The following EBF3 variants were observed in gnomAD, a reference collection of about 807,000 sequenced individuals.
EBF3 encodes EBF transcription factor 3.
A neutral mutation model predicts 77.1 loss-of-function variants in EBF3; 18 were observed. The observed-to-expected ratio is 0.23, with a 90% CI of 0.16 to 0.35. EBF3 has a LOEUF of 0.35. Among genes scored for constraint, EBF3 ranks in the 10% least tolerant of loss-of-function variants. EBF3 has a pLI of 1.00. For missense variants in EBF3, 558 were observed against 860.0 expected (o/e 0.65, Z 4.39); for synonymous variants, 350 against 343.5 (o/e 1.02, Z -0.21).
chr10:129,878,525 C>T (rs1439131036), intron 6 of EBF3, among the ~76,000 whole-genome samples: 2 of 151,810 alleles, frequency 1.3e-5, no homozygotes, highest in African/African-American at 4.8e-5. Context: ...AAAAATCAGC[C>T]AGGTGCGGTG....
intron 7 of EBF3, among the ~76,000 whole-genome samples, chr10:129,875,487 C>T (rs1294000210): frequency 6.6e-6 from 1 of 152,144 alleles, no homozygotes; most frequent in Non-Finnish European, 1.5e-5. Flanking sequence ...TGAGCCACCG[C>T]GCCCGGCCGG....
intron 7 of EBF3, among the ~76,000 whole-genome samples, chr10:129,876,905 C>A (rs1852823058): frequency 8.0e-6 from 1 of 125,210 alleles, no homozygotes; most frequent in African/African-American, 3.0e-5. Flanking sequence ...CCCCCCCACC[C>A]AGCTACCCCT....
rs1858341457 is a variant in EBF3 at position 129,947,811 on chromosome 10, T to A, written c.554+9447A>T. On this transcript the variant is annotated intron_variant, in intron 6 of 16. Transcript: ENST00000440978. The surrounding 1 kb of genome is among the most constrained non-coding windows in gnomAD (Gnocchi z 4.5). ...AAGCTCAGGAGTGAAGGATTTCACT[T>A]CTAAAACACCAAGACACTGAAAGGA... Among the ~76,000 whole-genome samples, 1 of 151,884 alleles carries A rather than the reference T, an allele frequency of 6.6e-6. No homozygotes were observed. The highest frequency in any genetic ancestry group is 1.5e-5 in the Non-Finnish European group (1 of 68,014).
At chr10:129,940,943 C>T (rs1197198303) in intron 6 of EBF3, among the ~76,000 whole-genome samples, 1 of 152,186 alleles carries the variant, frequency 6.6e-6, no homozygotes, top group African/African-American at 2.4e-5. Flanking sequence ...GGTCCCCCAG[C>T]CTCGGACTGC....
At chr10:129,907,753 T>C (rs576790012) in intron 6 of EBF3, among the ~76,000 whole-genome samples, 61 of 152,344 alleles carry the variant, frequency 4.0e-4, no homozygotes, top group Non-Finnish European at 6.8e-4. Flanking sequence ...CGATCGTGAA[T>C]TATAAATTGG....
chr10:129,839,288 C>A (rs774959686), intron 15 of EBF3, 93 bp from the exon 16 acceptor site: 40 of 555,954 alleles, frequency 7.2e-5, no homozygotes, highest in Non-Finnish European at 1.2e-4. Context: ...GGAGCATATA[C>A]CAAAGGTGGT....
At chr10:129,948,984 C>T (rs952213969) in intron 6 of EBF3, among the ~76,000 whole-genome samples, 1 of 152,172 alleles carries the variant, frequency 6.6e-6, no homozygotes, top group African/African-American at 2.4e-5. Flanking sequence ...CAGCCATATC[C>T]CCTGGTGCTG....
At chr10:129,872,807 A>G (rs1852491807) in intron 8 of EBF3, among the ~76,000 whole-genome samples, 1 of 152,194 alleles carries the variant, frequency 6.6e-6, no homozygotes, top group Admixed American at 6.5e-5. Context: ...CGCAAGGCCC[A>G]CTGTGTCTGA....
chr10:129,839,165 G>T lies in EBF3; in HGVS notation c.1790C>A (p.Ala597Glu), dbSNP rs571151062. 4 of 1,303,782 alleles carry T rather than the reference G, an allele frequency of 3.1e-6. No individual in the cohort carries two copies. The South Asian group carries it at 4.9e-5, about 16-fold the overall frequency. 80.8% of individuals were successfully genotyped at this position (1,303,782 alleles called of 1,614,324 possible). ...GSLLGAEDVA[A>E]EKTNWPFCEV... Reference sequence around the variant, plus strand: ...ACAAAAGGGCCAGTTTGTCTTCTCCGCGGCTACGTCCTCAGCACCCAGCAG... The same window carrying T: ...ACAAAAGGGCCAGTTTGTCTTCTCCTCGGCTACGTCCTCAGCACCCAGCAG... Residue 597 changes from alanine to glutamate, a missense_variant, in exon 16 of 17, where the codon GCG (alanine) becomes GAG (glutamate). Physicochemically the swap from Ala to Glu is moderately radical, Grantham distance 107. This residue lies in a region of EBF3 where 284 missense variants were observed against 368.3 expected (regional missense o/e 0.77). Coordinates refer to ENST00000440978, the MANE Select transcript of EBF3 (RefSeq NM_001375380.1).
intron 10 of EBF3, among the ~76,000 whole-genome samples, chr10:129,855,386 T>C (rs1851184074): frequency 6.6e-6 from 1 of 152,226 alleles, no homozygotes; most frequent in Non-Finnish European, 1.5e-5. Flanking sequence ...AACTATTGGA[T>C]TGCATTCAAA....
chr10:129,840,528 G>T, intron 14 of EBF3, 86 bp from the exon 15 acceptor site: 1 of 1,426,606 alleles, frequency 7.0e-7, no homozygotes. Context: ...CTCGGACGGG[G>T]GGGCAGGGGC....
intron 10 of EBF3, among the ~76,000 whole-genome samples, chr10:129,851,098 C>T (rs147033297): frequency 8.5e-5 from 13 of 152,298 alleles, no homozygotes; most frequent in African/African-American, 1.4e-4. Flanking sequence ...CTTTCACCTG[C>T]GCTGCATTAC....
chr10:129,921,917 C>T lies in EBF3; in HGVS notation c.554+35341G>A, dbSNP rs1366211466. On this transcript the variant is annotated intron_variant, in intron 6 of 16. Transcript: ENST00000440978. ...GCCACATCCGCCCAAGCCTGGCCCG[C>T]CCCCTGTCTCTTGCTCATCCCTGTG... Among the ~76,000 whole-genome samples the T allele has an allele frequency of 2.0e-5, 3 of 152,218 alleles. No individual in the cohort carries two copies. In the East Asian group the frequency reaches 5.8e-4, roughly 29 times the overall value.
chr10:129,922,213 G>A (rs1285971959), intron 6 of EBF3, among the ~76,000 whole-genome samples: 1 of 152,190 alleles, frequency 6.6e-6, no homozygotes, highest in African/African-American at 2.4e-5. Flanking sequence ...TGGCCCCCGA[G>A]CCCTCCTCAA....
chr10:129,935,845 G>A lies in EBF3; in HGVS notation c.554+21413C>T, dbSNP rs1343756562. On this transcript the variant is annotated intron_variant, in intron 6 of 16. Transcript: ENST00000440978. This position sits in a 1 kb window ranked among gnomAD's most constrained non-coding sequence, Gnocchi z 4.2. ...GTGGGCTGGGGACAGGAGAGGCCAA[G>A]ACACCAAGAGCGGCCACGATCAGCC... is the stretch of plus-strand genomic sequence containing the variant. Among the ~76,000 whole-genome samples the A allele has an allele frequency of 6.6e-6, 1 of 152,206 alleles. No homozygotes were observed. The highest frequency in any genetic ancestry group is 2.4e-5 in the African/African-American group (1 of 41,458).
At chr10:129,894,618 A>ATTGCTCACTGGGGCC (rs1854244251) in intron 6 of EBF3, among the ~76,000 whole-genome samples, 1 of 152,064 alleles carries the variant, frequency 6.6e-6, no homozygotes, top group Non-Finnish European at 1.5e-5. Context: ...CAGGCTCTCC[A>ATTGCTCACTGGGGCC]TTGCTCACTG....
At position 129,840,525 on chromosome 10, in the gene EBF3, G is replaced by A. The variant is rs7093172; in HGVS notation, c.1562-83C>T. 28 of 1,418,240 alleles carry A rather than the reference G, an allele frequency of 2.0e-5. 1 individual carries two copies. The highest frequency in any genetic ancestry group is 4.3e-5 in the Admixed American group (2 of 46,474). The allele number at this position is 1,418,240 out of a possible 1,614,324, so 87.9% of individuals were successfully genotyped here. ...GGGCACCAAAGGCCTCGCCTCGGAC[G>A]GGGGGGCAGGGGCACGAAAACAAAA... On this transcript the variant is annotated intron_variant, in intron 14 of 16. Transcript: ENST00000440978.
chr10:129,866,528 G>A (rs1852023677), intron 10 of EBF3, among the ~76,000 whole-genome samples: 1 of 152,352 alleles, frequency 6.6e-6, no homozygotes, highest in South Asian at 2.1e-4. Context: ...GCAAGCATGT[G>A]TAACTGCATA....
intron 6 of EBF3, among the ~76,000 whole-genome samples, chr10:129,888,493 G>A (rs2134183346): frequency 6.6e-6 from 1 of 152,348 alleles, no homozygotes; most frequent in East Asian, 1.9e-4. Context: ...CAGTCCCACT[G>A]GTGAATGGCC....
Sources: allele counts gnomAD v4.1 joint callset (sites outside exome capture counted in the v4.1 genomes callset), GRCh38; gene constraint gnomAD v4.1.1; regional missense constraint gnomAD v4.1.1; non-coding constraint Gnocchi (gnomAD v3.1); transcripts MANE v1.5; gene names NCBI Gene and HGNC (gene_info 2026-07-23, HGNC 2026-07-21).